Variants in SPAG16 observed in about 807,000 individuals in gnomAD.
The protein encoded by SPAG16 is sperm associated antigen 16, also known as sperm-associated antigen 16 protein.
In SPAG16, 86 loss-of-function variants were observed where a neutral mutation model predicts 80.4. The observed-to-expected ratio is 1.07, with a 90% CI of 0.90 to 1.28. The LOEUF (loss-of-function observed/expected upper bound fraction) is 1.28. Among genes scored for constraint, SPAG16 ranks in the 50% most tolerant of loss-of-function variants. The pLI is 0.00. For missense variants in SPAG16, 870 were observed against 765.3 expected (o/e 1.14, Z -1.61); for synonymous variants, 294 against 265.9 (o/e 1.11, Z -1.03).
At chr2:213,741,930 T>C (rs535720370) in intron 10 of SPAG16, among the ~76,000 whole-genome samples, 1 of 152,272 alleles carries the variant, frequency 6.6e-6, no homozygotes, top group Non-Finnish European at 1.5e-5. Flanking sequence ...CATATGTGCA[T>C]GGTTATTATT....
chr2:213,750,529 C>T (rs1370950069), intron 10 of SPAG16, among the ~76,000 whole-genome samples: 1 of 152,082 alleles, frequency 6.6e-6, no homozygotes, highest in Non-Finnish European at 1.5e-5. Flanking sequence ...ATTGTATTCT[C>T]TTTGATGGTA....
At chr2:214,316,859 C>A (rs1038609278) in intron 15 of SPAG16, among the ~76,000 whole-genome samples, 2 of 152,194 alleles carry the variant, frequency 1.3e-5, no homozygotes, top group African/African-American at 4.8e-5. Flanking sequence ...TATAATACTT[C>A]TACAGCCACA....
chr2:214,241,268 G>A (rs1360084936), intron 15 of SPAG16: 1 of 150,262 alleles, frequency 6.7e-6, no homozygotes, highest in Non-Finnish European at 1.5e-5. Flanking sequence ...TGAGGCAGGA[G>A]AATTGCTTGA....
At chr2:213,974,080 G>A (rs1008944939) in intron 12 of SPAG16, among the ~76,000 whole-genome samples, 1 of 152,032 alleles carries the variant, frequency 6.6e-6, no homozygotes, top group African/African-American at 2.4e-5. Context: ...GTGATAATAG[G>A]GAGAAAAAGT....
chr2:213,826,400 ACT>A (rs2073304720), intron 10 of SPAG16, among the ~76,000 whole-genome samples: 1 of 151,872 alleles, frequency 6.6e-6, no homozygotes, highest in Non-Finnish European at 1.5e-5. Context: ...TCCTCTTAGT[ACT>A]GTTTTCACTA....
intron 15 of SPAG16, among the ~76,000 whole-genome samples, chr2:214,152,855 G>A: frequency 6.6e-6 from 1 of 152,146 alleles, no homozygotes; most frequent in Non-Finnish European, 1.5e-5. Context: ...GAGAAAGACA[G>A]CTTATGCCAT....
intron 15 of SPAG16, among the ~76,000 whole-genome samples, chr2:214,324,892 T>G (rs1473045983): frequency 1.3e-5 from 2 of 152,178 alleles, no homozygotes; most frequent in African/African-American, 2.4e-5. Flanking sequence ...ACAGGCATGC[T>G]CAAAGGCATG....
intron 10 of SPAG16, among the ~76,000 whole-genome samples, chr2:213,580,203 A>G (rs1333437584): frequency 6.6e-6 from 1 of 152,022 alleles, no homozygotes; most frequent in Non-Finnish European, 1.5e-5. Context: ...ATCTACACAA[A>G]CAGGCCTATG....
At chr2:214,234,371 T>C (rs984803805) in intron 15 of SPAG16, among the ~76,000 whole-genome samples, 7 of 152,170 alleles carry the variant, frequency 4.6e-5, no homozygotes, top group Non-Finnish European at 1.0e-4. Flanking sequence ...ATCTTTATGA[T>C]AGAATTATTT....
intron 13 of SPAG16, among the ~76,000 whole-genome samples, chr2:214,048,804 T>C (rs1270196490): frequency 2.0e-5 from 3 of 152,176 alleles, no homozygotes; most frequent in African/African-American, 7.2e-5. Flanking sequence ...AAATATCTCA[T>C]GTAACCCATA....
At chr2:214,286,919 T>C (rs1693409272) in intron 15 of SPAG16, among the ~76,000 whole-genome samples, 1 of 152,232 alleles carries the variant, frequency 6.6e-6, no homozygotes, top group South Asian at 2.1e-4. Flanking sequence ...GTCTCTTAAT[T>C]TGAATTGTAA....
At chr2:213,901,150 A>T (rs2077205174) in intron 11 of SPAG16, among the ~76,000 whole-genome samples, 1 of 152,202 alleles carries the variant, frequency 6.6e-6, no homozygotes, top group Non-Finnish European at 1.5e-5. Flanking sequence ...AAATGCATGT[A>T]ATATGCCTTA....
At position 214,134,618 on chromosome 2, in the gene SPAG16, G is replaced by A. The variant is rs536681229; in HGVS notation, c.1594-14522G>A. Among the ~76,000 whole-genome samples the A allele has an allele frequency of 1.1e-3, 170 of 152,210 alleles. 1 individual carries two copies. The highest frequency in any genetic ancestry group is 3.7e-3 in the African/African-American group (154 of 41,558). On this transcript the variant is annotated intron_variant, in intron 14 of 15. Coordinates refer to ENST00000331683, the MANE Select transcript of SPAG16 (RefSeq NM_024532.5). The stretch of plus-strand genomic sequence containing the variant: ...TCTATAGAATGAGGCAAATTTGCCC[G>A]AATTCAGTCAACCTCTTACTTATAA...
intron 6 of SPAG16, among the ~76,000 whole-genome samples, chr2:213,343,719 T>C (rs2064814980): frequency 6.6e-6 from 1 of 151,974 alleles, no homozygotes. Flanking sequence ...CTAATAGGTC[T>C]TAGAAGATTG....
chr2:213,962,440 C>A (rs1407203383), intron 12 of SPAG16, among the ~76,000 whole-genome samples: 3 of 152,126 alleles, frequency 2.0e-5, no homozygotes, highest in African/African-American at 7.2e-5. Context: ...CTGCCTTGGC[C>A]TCCCGAAGTG....
At chr2:213,927,110 G>A (rs1321449009) in intron 11 of SPAG16, among the ~76,000 whole-genome samples, 1 of 152,174 alleles carries the variant, frequency 6.6e-6, no homozygotes, top group African/African-American at 2.4e-5. Context: ...CACAATGCAG[G>A]GAGCGAGTTA....
chr2:213,849,660 T>G (rs1230543491), intron 10 of SPAG16, among the ~76,000 whole-genome samples: 1 of 152,188 alleles, frequency 6.6e-6, no homozygotes, highest in Non-Finnish European at 1.5e-5. Context: ...GTTGTAATTC[T>G]TCCAGTTATT....
chr2:213,709,249 G>C (rs573923138), intron 10 of SPAG16, among the ~76,000 whole-genome samples: 1 of 152,076 alleles, frequency 6.6e-6, no homozygotes, highest in Admixed American at 6.5e-5. Context: ...AAATGTCTTT[G>C]ATCCTTTCTC....
chr2:213,450,839 T>A (rs1251969887), intron 9 of SPAG16, among the ~76,000 whole-genome samples: 1 of 152,220 alleles, frequency 6.6e-6, no homozygotes, highest in Non-Finnish European at 1.5e-5. Flanking sequence ...ATAATTTTTT[T>A]CTATATCTCT....
Sources: gnomAD v4.1 joint callset for allele counts (sites outside exome capture counted in the v4.1 genomes callset) on GRCh38, gnomAD v4.1.1 for gene constraint, MANE v1.5 for transcripts, NCBI Gene and HGNC (gene_info 2026-07-23, HGNC 2026-07-21) for gene names.